The following OARD1 variants were observed in gnomAD, a reference collection of about 807,000 sequenced individuals.
OARD1 encodes O-acyl-ADP-ribose deacylase 1, also known as ADP-ribose glycohydrolase OARD1.
A neutral mutation model predicts 19.7 loss-of-function variants in OARD1; 19 were observed. The observed-to-expected ratio is 0.96, with a 90% CI of 0.67 to 1.41. OARD1 has a LOEUF of 1.41. Among genes scored for constraint, OARD1 ranks in the 40% most tolerant of loss-of-function variants. The pLI is 0.00. For synonymous variants in OARD1, 70 were observed against 61.8 expected (o/e 1.13, Z -0.62); for missense variants, 190 against 183.8 (o/e 1.03, Z -0.20).
rs1439119178 is a variant in OARD1, at chr6:41,089,584, G to C, written c.-42+8129C>G. On this transcript the variant is annotated intron_variant, in intron 1 of 4. Coordinates refer to the OARD1 transcript ENST00000480585. ...TTTTATGTTCTTTTCTGCAGATACAGTTGGTCCCACCTGGACAGATCCAGA... is the reference window on the plus strand; with the variant it reads ...TTTTATGTTCTTTTCTGCAGATACACTTGGTCCCACCTGGACAGATCCAGA... 4 of 1,607,718 alleles carry C rather than the reference G, an allele frequency of 2.5e-6. No homozygotes were observed. In the African/African-American group the frequency reaches 4.0e-5, roughly 16 times the overall value.
chr6:41,072,214 C>G (rs1199818929), intron 1 of OARD1, 22 bp downstream of exon 1: 1 of 153,770 alleles, frequency 6.5e-6, no homozygotes, highest in Non-Finnish European at 1.5e-5. Flanking sequence ...TCTATTGAAG[C>G]CTCCCATTCT....
At chr6:41,089,368 A>C (rs540276158) in intron 1 of OARD1, among the ~76,000 whole-genome samples, 2 of 152,352 alleles carry the variant, frequency 1.3e-5, no homozygotes, top group East Asian at 1.9e-4. Context: ...TTGATTTGTT[A>C]ATATCAGGTA....
At chr6:41,094,890 T>C (rs1157537181) in intron 1 of OARD1, among the ~76,000 whole-genome samples, 1 of 152,236 alleles carries the variant, frequency 6.6e-6, no homozygotes, top group Non-Finnish European at 1.5e-5. Flanking sequence ...TTCTTGAAAA[T>C]CACACTTTTC....
chr6:41,097,507 C>T, intron 1 of OARD1: 1 of 1,281,846 alleles, frequency 7.8e-7, no homozygotes, highest in Non-Finnish European at 1.1e-6. Flanking sequence ...TCACATTCTG[C>T]CCTTTACTAC....
chr6:41,091,462 CTA>C (rs1417755237), intron 1 of OARD1: 1 of 1,509,632 alleles, frequency 6.6e-7, no homozygotes, highest in Non-Finnish European at 9.1e-7. Flanking sequence ...GAGGGACTAA[CTA>C]TGTTCCCTTC....
At chr6:41,075,082 T>G (rs1441270177), upstream of OARD1, among the ~76,000 whole-genome samples, 1 of 152,252 alleles carries the variant, frequency 6.6e-6, no homozygotes, top group Non-Finnish European at 1.5e-5. Context: ...TCATTGTTGC[T>G]TAAGTGATTT....
chr6:41,085,351 A>G (rs1764017486), intron 1 of OARD1, among the ~76,000 whole-genome samples: 1 of 152,242 alleles, frequency 6.6e-6, no homozygotes, highest in Non-Finnish European at 1.5e-5. Flanking sequence ...GTTGGAATAA[A>G]TCATAATATA....
Position 41,066,987 on chromosome 6 carries a change from T to C in OARD1, c.*348A>G, listed in dbSNP as rs542598971. On this transcript the variant is annotated 3_prime_UTR_variant, in exon 6 of 6. Coordinates refer to ENST00000424266, the MANE Select transcript of OARD1 (RefSeq NM_001329686.2). ...ATGATCATCCTTCCTGAAATTTCTCTTAAAAAGCAGAGAAGTAGAACCAAT... is the reference window on the plus strand; with the variant it reads ...ATGATCATCCTTCCTGAAATTTCTCCTAAAAAGCAGAGAAGTAGAACCAAT... The C allele has an allele frequency of 1.9e-4, 30 of 159,736 alleles. 1 individual carries two copies. The South Asian group carries it at 5.4e-3, about 28-fold the overall frequency. The allele number at this position is 159,736 out of a possible 1,614,324, so 9.9% of individuals were successfully genotyped here.
chr6:41,089,614 G>C (rs1324848990), intron 1 of OARD1: 2 of 1,612,522 alleles, frequency 1.2e-6, no homozygotes, highest in Admixed American at 1.7e-5. Flanking sequence ...TCCAGATCCA[G>C]GGTGGACAGG....
Position 41,091,241 on chromosome 6 carries a change from A to C in OARD1, c.-42+6472T>G, listed in dbSNP as rs1764191014. Among the ~76,000 whole-genome samples, 6 of 152,350 alleles carry C rather than the reference A, an allele frequency of 3.9e-5. No homozygotes were observed. The South Asian group carries it at 1.2e-3, about 32-fold the overall frequency. ...AGTAGGTATAGCTGTAGTCAGACTG[A>C]CCTGTAGAAGAGGAGGCCTCCAAAC... On this transcript the variant is annotated intron_variant, in intron 1 of 4. Coordinates refer to the OARD1 transcript ENST00000480585.
chr6:41,096,289 C>G (rs1398209465), intron 1 of OARD1, among the ~76,000 whole-genome samples: 1 of 152,216 alleles, frequency 6.6e-6, no homozygotes, highest in Non-Finnish European at 1.5e-5. Flanking sequence ...TAATCCTCAC[C>G]TGTAGTGTGA....
intron 1 of OARD1, among the ~76,000 whole-genome samples, chr6:41,078,675 A>G (rs191258368): frequency 1.8e-4 from 27 of 152,352 alleles, no homozygotes; most frequent in African/African-American, 5.8e-4. Flanking sequence ...TACAACTTAA[A>G]GAAGCTTTAT....
chr6:41,078,438 G>A (rs2294694), intron 1 of OARD1, among the ~76,000 whole-genome samples: 59,194 of 151,916 alleles, frequency 0.39, 12,169 homozygotes, highest in African/African-American at 0.52. Flanking sequence ...TTATATATCT[G>A]TCCTCCCTCC....
At chr6:41,076,465 C>T (rs1279094828), upstream of OARD1, among the ~76,000 whole-genome samples, 1 of 152,158 alleles carries the variant, frequency 6.6e-6, no homozygotes, top group African/African-American at 2.4e-5. Flanking sequence ...AATCCTATGG[C>T]TTTTCATATG....
intron 2 of OARD1, 76 bp from the exon 3 acceptor site, chr6:41,071,352 GTCC>G (rs1763374452): frequency 7.0e-7 from 1 of 1,436,684 alleles, no homozygotes; most frequent in Non-Finnish European, 9.7e-7. Context: ...TGTATTTTGT[GTCC>G]CCCACGACTA....
In OARD1 at chr6:41,065,899, C is replaced by T. The variant is rs979219401; in HGVS notation, c.*1436G>A. Reference sequence around the variant, plus strand: ...TAGCAAGTCTGGCTGTTTTAACTCTCAACACCACTGTAAGGGAAAACAAGA... The same window carrying T: ...TAGCAAGTCTGGCTGTTTTAACTCTTAACACCACTGTAAGGGAAAACAAGA... On this transcript the variant is annotated 3_prime_UTR_variant, in exon 6 of 6. Coordinates refer to ENST00000424266, the MANE Select transcript of OARD1 (RefSeq NM_001329686.2). 8 of 152,242 alleles carry T rather than the reference C, an allele frequency of 5.3e-5. No individual in the cohort carries two copies. Among genetic ancestry groups the T allele is most frequent in the Non-Finnish European group, 8.8e-5 (6 of 68,058 alleles). 9.4% of individuals were successfully genotyped at this position (152,242 alleles called of 1,614,324 possible). A position where few individuals can be genotyped will look rare whatever the true frequency, so the allele number is the denominator to read the frequency against.
intron 1 of OARD1, among the ~76,000 whole-genome samples, chr6:41,082,487 A>G (rs1189765720): frequency 6.6e-6 from 1 of 152,220 alleles, no homozygotes; most frequent in Non-Finnish European, 1.5e-5. Context: ...TTGGAGTCTC[A>G]AATCATTTAT....
chr6:41,097,275 CTT>C, intron 1 of OARD1: 1 of 1,284,886 alleles, frequency 7.8e-7, no homozygotes, highest in African/African-American at 1.5e-5. Flanking sequence ...TGTGTATTCT[CTT>C]GGGGGGATAA....
intron 2 of OARD1, 112 bp from the exon 3 acceptor site, chr6:41,071,388 CA>C: frequency 1.7e-6 from 2 of 1,152,474 alleles, no homozygotes; most frequent in Non-Finnish European, 2.5e-6. Flanking sequence ...CCCCTTCCTC[CA>C]ATCTGATTTA....
Sources: gnomAD v4.1 joint callset for allele counts (sites outside exome capture counted in the v4.1 genomes callset) on GRCh38, gnomAD v4.1.1 for gene constraint, MANE v1.5 for transcripts, NCBI Gene and HGNC (gene_info 2026-07-23, HGNC 2026-07-21) for gene names.